The following RPS6KA5 variants were observed in gnomAD, a reference collection of about 807,000 sequenced individuals.
RPS6KA5 encodes ribosomal protein S6 kinase alpha-5.
In RPS6KA5, 27 loss-of-function variants were observed where a neutral mutation model predicts 85.5. That is an observed-to-expected ratio of 0.32 (90% CI 0.23 to 0.44). RPS6KA5 has a LOEUF of 0.44. RPS6KA5 is among the 20% of genes least tolerant of loss of function. The pLI is 1.00. For missense variants in RPS6KA5, 811 were observed against 980.9 expected, an observed-to-expected ratio of 0.83 and a Z score of 2.31; for synonymous variants, 334 against 348.2, an observed-to-expected ratio of 0.96 and a Z score of 0.46.
At chr14:90,999,630 A>G (rs2140571793) in intron 2 of RPS6KA5, among the ~76,000 whole-genome samples, 1 of 152,312 alleles carries the variant, frequency 6.6e-6, no homozygotes, top group Non-Finnish European at 1.5e-5. Flanking sequence ...ACAGGGAGAG[A>G]ACTGAGTAGG....
intron 14 of RPS6KA5, among the ~76,000 whole-genome samples, chr14:90,882,577 T>C (rs2033912313): frequency 6.6e-6 from 1 of 152,200 alleles, no homozygotes; most frequent in Admixed American, 6.5e-5. Flanking sequence ...AATGAAGTAA[T>C]GAACTCCCTC....
At chr14:90,950,315 G>A (rs746161994) in intron 3 of RPS6KA5, among the ~76,000 whole-genome samples, 1 of 152,124 alleles carries the variant, frequency 6.6e-6, no homozygotes, top group Non-Finnish European at 1.5e-5. Context: ...AGTTCGAGTA[G>A]TTTCTGAGTA....
At chr14:90,875,551 G>A (rs1400642864) in intron 14 of RPS6KA5, among the ~76,000 whole-genome samples, 191 bp from the exon 15 acceptor site, 1 of 151,944 alleles carries the variant, frequency 6.6e-6, no homozygotes, top group Non-Finnish European at 1.5e-5. Context: ...CCCATCACTG[G>A]GTATATACCC....
chr14:91,050,072 A>G (rs542963509), intron 1 of RPS6KA5, among the ~76,000 whole-genome samples: 35 of 152,318 alleles, frequency 2.3e-4, no homozygotes, highest in Middle Eastern at 3.4e-3. Context: ...ACTCATACAT[A>G]ACTACAACTG....
intron 2 of RPS6KA5, among the ~76,000 whole-genome samples, chr14:90,991,279 A>G (rs1214482033): frequency 1.3e-5 from 2 of 152,238 alleles, no homozygotes; most frequent in Non-Finnish European, 2.9e-5. Context: ...AGACAGGTTA[A>G]GACACCCCTT....
At chr14:91,030,613 A>AG in intron 1 of RPS6KA5, among the ~76,000 whole-genome samples, 2 of 37,232 alleles carry the variant, frequency 5.4e-5, no homozygotes, top group African/African-American at 2.9e-4. Flanking sequence ...AATAAACAGA[A>AG]AAAAAAAAAA....
At chr14:90,930,046 A>G (rs1365828312) in intron 5 of RPS6KA5, among the ~76,000 whole-genome samples, 1 of 152,124 alleles carries the variant, frequency 6.6e-6, no homozygotes, top group Non-Finnish European at 1.5e-5. Flanking sequence ...AATTTTTTAA[A>G]TATTTTGTAG....
rs375924085 is a variant in RPS6KA5 at position 90,872,004 on chromosome 14, T to C, written c.*70A>G. The C allele has an allele frequency of 2.6e-5, 39 of 1,518,408 alleles. No homozygotes were observed. In the African/African-American group the frequency reaches 5.0e-4, roughly 20 times the overall value. The allele number at this position is 1,518,408 out of a possible 1,614,324, so 94.1% of individuals were successfully genotyped here. On this transcript the variant is annotated 3_prime_UTR_variant, in exon 17 of 17. Transcript: ENST00000614987. ...CCAACGGGAAACATTTTTAAAAGCA[T>C]AAAAGATCGCCTCAGGCATATGCTG...
At chr14:91,020,614 T>G (rs1335133319) in intron 1 of RPS6KA5, among the ~76,000 whole-genome samples, 5 of 91,272 alleles carry the variant, frequency 5.5e-5, no homozygotes, top group African/African-American at 1.3e-4. Flanking sequence ...ATATATCCTA[T>G]TGTGTGTGTG....
intron 1 of RPS6KA5, among the ~76,000 whole-genome samples, chr14:91,023,978 T>C (rs1013666696): frequency 2.0e-5 from 3 of 152,210 alleles, no homozygotes; most frequent in African/African-American, 7.2e-5. Context: ...ATTCTCAGAA[T>C]TACATTTGCT....
chr14:90,957,963 C>T (rs556907820), intron 3 of RPS6KA5, among the ~76,000 whole-genome samples: 6 of 151,620 alleles, frequency 4.0e-5, no homozygotes, highest in African/African-American at 1.2e-4. Context: ...GCAACACAGC[C>T]AGACCTCTTC....
intron 1 of RPS6KA5, among the ~76,000 whole-genome samples, chr14:91,054,496 G>C (rs1321621192): frequency 6.6e-6 from 1 of 151,816 alleles, no homozygotes; most frequent in African/African-American, 2.4e-5. Flanking sequence ...AATTAGCCAG[G>C]CATGGTGGCA....
intron 8 of RPS6KA5, among the ~76,000 whole-genome samples, chr14:90,903,212 G>A (rs1038939765): frequency 4.6e-5 from 7 of 151,984 alleles, no homozygotes; most frequent in Non-Finnish European, 7.4e-5. Context: ...TCCTCTGGGG[G>A]GCACCAAGAC....
chr14:90,955,902 C>T (rs530459394), intron 3 of RPS6KA5, among the ~76,000 whole-genome samples: 2 of 152,066 alleles, frequency 1.3e-5, no homozygotes, highest in Non-Finnish European at 2.9e-5. Context: ...GGTACATCCA[C>T]GTTAGGCTCT....
At chr14:90,898,469 A>G (rs1467757289) in intron 12 of RPS6KA5, among the ~76,000 whole-genome samples, 1 of 152,252 alleles carries the variant, frequency 6.6e-6, no homozygotes, top group Non-Finnish European at 1.5e-5. Context: ...CAGATATTAC[A>G]ACAGCACAAC....
chr14:91,006,556 G>A (rs2140618014), intron 1 of RPS6KA5, among the ~76,000 whole-genome samples: 1 of 152,228 alleles, frequency 6.6e-6, no homozygotes, highest in South Asian at 2.1e-4. Context: ...ACTGCCATCT[G>A]CAAACCAGGA....
At chr14:90,932,327 T>C (rs1183944129) in intron 5 of RPS6KA5, among the ~76,000 whole-genome samples, 1 of 152,058 alleles carries the variant, frequency 6.6e-6, no homozygotes, top group African/African-American at 2.4e-5. Flanking sequence ...GTCTCACTGT[T>C]GCCCAACACT....
At chr14:91,051,360 C>T (rs1045365923) in intron 1 of RPS6KA5, among the ~76,000 whole-genome samples, 1 of 152,150 alleles carries the variant, frequency 6.6e-6, no homozygotes, top group Non-Finnish European at 1.5e-5. Flanking sequence ...GGGAAGACTG[C>T]TTGAGCCCAG....
chr14:90,956,735 AC>A (rs1428408997), intron 3 of RPS6KA5, among the ~76,000 whole-genome samples: 2 of 151,664 alleles, frequency 1.3e-5, no homozygotes, highest in Admixed American at 1.3e-4. Flanking sequence ...ACTTATCATA[AC>A]AGCTTTGGGT....
Sources: gnomAD v4.1 joint callset for allele counts (sites outside exome capture counted in the v4.1 genomes callset) on GRCh38, gnomAD v4.1.1 for gene constraint, MANE v1.5 for transcripts, NCBI Gene and HGNC (gene_info 2026-07-23, HGNC 2026-07-21) for gene names.